The following TMEM245 variants were observed in gnomAD, a reference collection of about 807,000 sequenced individuals.
TMEM245 encodes transmembrane protein 245.
Under a neutral mutation model 101.2 loss-of-function variants are expected in TMEM245, and 69 were observed. The ratio of observed to expected loss-of-function variants is 0.68; its 90% confidence interval spans 0.56 to 0.83. The LOEUF (loss-of-function observed/expected upper bound fraction) is 0.83. TMEM245 is among the 40% of genes least tolerant of loss of function. The pLI is 0.00. For synonymous variants in TMEM245, 537 were observed against 449.8 expected, an observed-to-expected ratio of 1.19 and a Z score of -2.45; for missense variants, 1,075 against 1,092.8, an observed-to-expected ratio of 0.98 and a Z score of 0.23.
At chr9:109,088,585 C>T (rs1208342407) in intron 5 of TMEM245, among the ~76,000 whole-genome samples, 1 of 151,776 alleles carries the variant, frequency 6.6e-6, no homozygotes, top group East Asian at 1.9e-4. Flanking sequence ...AATCCCAGGC[C>T]GAGGCGGGCG....
At chr9:109,041,028 C>T (rs969533139) in intron 14 of TMEM245, among the ~76,000 whole-genome samples, 4 of 152,038 alleles carry the variant, frequency 2.6e-5, no homozygotes, top group Admixed American at 2.0e-4. Flanking sequence ...CTCTCAATTC[C>T]GAAAAAACTA....
chr9:109,028,393 G>A (rs1159047402), intron 17 of TMEM245, among the ~76,000 whole-genome samples: 1 of 150,986 alleles, frequency 6.6e-6, no homozygotes, highest in Non-Finnish European at 1.5e-5. Flanking sequence ...GGCAGAGGTT[G>A]CAGTGAGCCA....
At chr9:109,023,831 G>A (rs1827714805) in intron 17 of TMEM245, among the ~76,000 whole-genome samples, 2 of 135,554 alleles carry the variant, frequency 1.5e-5, no homozygotes, top group Admixed American at 1.6e-4. Context: ...GTGAGACTCT[G>A]TTTCCAAAAA....
Position 109,108,439 on chromosome 9 carries a change from AAGAAGG to A in TMEM245, c.697+8_697+13del, listed in dbSNP as rs1564211397. Reference sequence around the variant, plus strand: ...TAGACTTAAAAAAAAAAAAAAAAAAAAGAAGGAACCCACCTAAATGAAAAAGCAATA... The same window carrying A: ...TAGACTTAAAAAAAAAAAAAAAAAAAAACCCACCTAAATGAAAAAGCAATA... On this transcript the variant is annotated splice_region_variant and intron_variant, in intron 2 of 17. Coordinates refer to ENST00000374586, the MANE Select transcript of TMEM245 (RefSeq NM_032012.4). 1 of 1,444,258 alleles carries A rather than the reference AAGAAGG, an allele frequency of 6.9e-7. No homozygotes were observed. The highest frequency in any genetic ancestry group is 9.3e-7 in the Non-Finnish European group (1 of 1,072,858). The allele number at this position is 1,444,258 out of a possible 1,614,324, so 89.5% of individuals were successfully genotyped here.
intron 1 of TMEM245, among the ~76,000 whole-genome samples, chr9:109,115,988 G>C (rs1484150664): frequency 2.0e-5 from 3 of 152,172 alleles, no homozygotes; most frequent in Non-Finnish European, 4.4e-5. Context: ...CTCTGAATTA[G>C]TTTTCTCACA....
intron 1 of TMEM245, among the ~76,000 whole-genome samples, chr9:109,111,734 T>C (rs1434767301): frequency 6.6e-6 from 1 of 152,136 alleles, no homozygotes; most frequent in Admixed American, 6.5e-5. Context: ...ATTGAGTAAT[T>C]AGTCAGACTT....
At chr9:109,054,168 A>G (rs984484976) in intron 12 of TMEM245, among the ~76,000 whole-genome samples, 7 of 152,276 alleles carry the variant, frequency 4.6e-5, no homozygotes, top group Middle Eastern at 3.4e-3. Flanking sequence ...CCATCTCTGC[A>G]AAAAATTTAA....
chr9:109,020,146 G>A lies in TMEM245; in HGVS notation c.*314C>T, dbSNP rs1435186238. On this transcript the variant is annotated 3_prime_UTR_variant, in exon 18 of 18. Coordinates refer to ENST00000374586, the MANE Select transcript of TMEM245 (RefSeq NM_032012.4). The stretch of plus-strand genomic sequence containing the variant: ...AATAACTTTATAAATATATAATATA[G>A]TAACATAGATAACCAAAGTGGAAAA... 3.7e-6 allele frequency: 1 copy of A among 271,650 alleles called. No homozygotes were observed. The highest frequency in any genetic ancestry group is 7.2e-6 in the Non-Finnish European group (1 of 139,572). 16.8% of individuals were successfully genotyped at this position (271,650 alleles called of 1,614,324 possible).
At chr9:109,090,138 GT>G (rs1389708564) in intron 5 of TMEM245, among the ~76,000 whole-genome samples, 2 of 152,086 alleles carry the variant, frequency 1.3e-5, no homozygotes, top group African/African-American at 4.8e-5. Flanking sequence ...GCGCATGCCT[GT>G]AGTCCCAGCA....
chr9:109,052,541 T>C (rs1208041789), intron 12 of TMEM245, among the ~76,000 whole-genome samples: 2 of 152,242 alleles, frequency 1.3e-5, no homozygotes, highest in Admixed American at 1.3e-4. Context: ...TAAAGGCATA[T>C]TTTGTTGCCC....
intron 1 of TMEM245, among the ~76,000 whole-genome samples, chr9:109,117,915 A>T (rs1168237797): frequency 6.6e-6 from 1 of 152,232 alleles, no homozygotes; most frequent in Non-Finnish European, 1.5e-5. Flanking sequence ...CGATCCACTT[A>T]ACTGAATTGT....
At chr9:109,109,820 T>C (rs139828168) in intron 1 of TMEM245, among the ~76,000 whole-genome samples, 64 of 152,240 alleles carry the variant, frequency 4.2e-4, no homozygotes, top group African/African-American at 1.4e-3. Context: ...AAAGACTATA[T>C]AGTTTAAAAA....
chr9:109,108,596 T>G, intron 1 of TMEM245, 26 bp from the exon 2 acceptor site: 28 of 1,459,628 alleles, frequency 1.9e-5, no homozygotes, highest in East Asian at 2.3e-5. Context: ...GACACAGCTG[T>G]AAAATCTATA....
chr9:109,100,977 A>C (rs1830268189), intron 3 of TMEM245, among the ~76,000 whole-genome samples: 1 of 152,154 alleles, frequency 6.6e-6, no homozygotes, highest in Admixed American at 6.5e-5. Flanking sequence ...CACTGAAACT[A>C]ACTCAGCAAT....
intron 17 of TMEM245, among the ~76,000 whole-genome samples, chr9:109,032,923 C>T (rs571850066): frequency 1.3e-5 from 2 of 151,272 alleles, no homozygotes; most frequent in East Asian, 3.9e-4. Context: ...CTCAGCCTCC[C>T]AAACAGCTGG....
At chr9:109,076,573 TTAAC>T (rs1437839027) in intron 8 of TMEM245, among the ~76,000 whole-genome samples, 1 of 152,224 alleles carries the variant, frequency 6.6e-6, no homozygotes, top group Non-Finnish European at 1.5e-5. Context: ...ATTAAAGGCT[TTAAC>T]TAATGTTATA....
rs370919162 is a variant in TMEM245, at chr9:109,067,870, G to A, written c.1533-3303C>T. ...AGGACATCTGGACTTATTCTTAACT[G>A]TATCTTCTCCACTAGGAGTATCTAC... On this transcript the variant is annotated intron_variant, in intron 9 of 17. Transcript: ENST00000374586. 2.6e-5 allele frequency among the ~76,000 whole-genome samples: 4 copies of A among 152,270 alleles called. No individual in the cohort carries two copies. In the East Asian group the frequency reaches 7.7e-4, roughly 29 times the overall value.
In TMEM245 at chr9:109,060,466, C is replaced by A. The variant is rs2132434805; in HGVS notation, c.1624-14G>T. 6.4e-7 allele frequency: 1 copy of A among 1,562,228 alleles called. No individual in the cohort carries two copies. The highest frequency in any genetic ancestry group is 2.2e-5 in the East Asian group (1 of 44,516). The stretch of plus-strand genomic sequence containing the variant: ...AATTTTATGGAGCTAGAAAAAAACA[C>A]AGATACGACGTGGTACAATATTTCA... On this transcript the variant is annotated splice_polypyrimidine_tract_variant and intron_variant, in intron 10 of 17. Coordinates refer to ENST00000374586, the MANE Select transcript of TMEM245 (RefSeq NM_032012.4).
intron 8 of TMEM245, among the ~76,000 whole-genome samples, chr9:109,079,039 A>C (rs1344250451): frequency 6.6e-6 from 1 of 152,200 alleles, no homozygotes; most frequent in Non-Finnish European, 1.5e-5. Context: ...ACTTCCTTCA[A>C]GAAAAGCTGC....
Sources: allele counts gnomAD v4.1 joint callset (sites outside exome capture counted in the v4.1 genomes callset), GRCh38; gene constraint gnomAD v4.1.1; transcripts MANE v1.5; gene names NCBI Gene and HGNC (gene_info 2026-07-23, HGNC 2026-07-21).